The following ITGB5 variants were observed in gnomAD, a reference collection of about 807,000 sequenced individuals.
ITGB5 encodes the protein integrin subunit beta 5.
A neutral mutation model predicts 84.8 loss-of-function variants in ITGB5; 38 were observed. The ratio of observed to expected loss-of-function variants is 0.45; its 90% CI spans 0.35 to 0.59. The LOEUF is 0.59. Among genes scored for constraint, ITGB5 ranks in the 20% least tolerant of loss-of-function variants. The pLI, the probability that ITGB5 is intolerant of heterozygous loss-of-function variation, is 0.01. For missense variants in ITGB5, 905 were observed against 1,034.5 expected, an observed-to-expected ratio of 0.87 and a Z score of 1.72; for synonymous variants, 393 against 414.4, an observed-to-expected ratio of 0.95 and a Z score of 0.63.
chr3:124,836,732 G>A (rs949030664), intron 5 of ITGB5, among the ~76,000 whole-genome samples: 3 of 152,128 alleles, frequency 2.0e-5, no homozygotes, highest in Non-Finnish European at 4.4e-5. Flanking sequence ...CAAGAATCAC[G>A]GCTCCTCTGA....
intron 1 of ITGB5, among the ~76,000 whole-genome samples, chr3:124,892,870 A>C (rs960821657): frequency 6.6e-6 from 1 of 152,180 alleles, no homozygotes; most frequent in Non-Finnish European, 1.5e-5. Flanking sequence ...TTTTAATCCA[A>C]GTCAGAAATA....
At chr3:124,887,951 C>T (rs1397108320), upstream of ITGB5, 1 of 242,640 alleles carries the variant, frequency 4.1e-6, no homozygotes, top group African/African-American at 2.4e-5. Flanking sequence ...CAGCGTCTTG[C>T]TCTCACTCAG....
intron 2 of ITGB5, among the ~76,000 whole-genome samples, chr3:124,865,646 C>G (rs1396031650): frequency 6.6e-6 from 1 of 151,690 alleles, no homozygotes; most frequent in Non-Finnish European, 1.5e-5. Flanking sequence ...GCCACCACAT[C>G]CCACTGATTT....
At chr3:124,816,548 A>G (rs1236407037) in intron 8 of ITGB5, among the ~76,000 whole-genome samples, 3 of 152,214 alleles carry the variant, frequency 2.0e-5, no homozygotes, top group African/African-American at 7.2e-5. Flanking sequence ...TGGCGCCTTG[A>G]GCAGGTGGGT....
At chr3:124,857,536 G>T (rs1047424932) in intron 3 of ITGB5, among the ~76,000 whole-genome samples, 1 of 152,190 alleles carries the variant, frequency 6.6e-6, no homozygotes, top group African/African-American at 2.4e-5. Flanking sequence ...CTTCCCTGGA[G>T]TCTAAATAAA....
chr3:124,888,815 A>G (rs950191078), upstream of ITGB5, among the ~76,000 whole-genome samples: 2 of 152,088 alleles, frequency 1.3e-5, no homozygotes, highest in African/African-American at 4.8e-5. Context: ...CCAGTGGAAA[A>G]CTGTCCTAAC....
At chr3:124,868,894 G>C (rs2065434700) in intron 2 of ITGB5, among the ~76,000 whole-genome samples, 1 of 152,112 alleles carries the variant, frequency 6.6e-6, no homozygotes, top group Non-Finnish European at 1.5e-5. Flanking sequence ...AACTAAGAGA[G>C]AACCAGCAAG....
At chr3:124,821,033 T>C (rs1434552662) in intron 6 of ITGB5, among the ~76,000 whole-genome samples, 2 of 152,302 alleles carry the variant, frequency 1.3e-5, no homozygotes, top group African/African-American at 2.4e-5. Flanking sequence ...CTGTTTCCCC[T>C]GGGCCACCCG....
Position 124,786,237 on chromosome 3 carries a change from C to T in ITGB5, c.1693+10151G>A, listed in dbSNP as rs556035485. Among the ~76,000 whole-genome samples the T allele has an allele frequency of 9.9e-5, 15 of 152,144 alleles. No individual in the cohort carries two copies. The East Asian group carries it at 1.7e-3, about 18-fold the overall frequency. ...AAATGATCTCAATATAGTGAAAAGGCCATTAAAACAGATTCTCAGCTGGGT... is the reference window on the plus strand; with the variant it reads ...AAATGATCTCAATATAGTGAAAAGGTCATTAAAACAGATTCTCAGCTGGGT... On this transcript the variant is annotated intron_variant, in intron 10 of 14. Transcript: ENST00000296181.
chr3:124,883,131 T>C (rs1228679017), intron 1 of ITGB5, among the ~76,000 whole-genome samples: 2 of 152,164 alleles, frequency 1.3e-5, no homozygotes, highest in African/African-American at 4.8e-5. Context: ...CACACTGCCA[T>C]GTGAAAGGGG....
At chr3:124,821,215 G>C (rs2064696384) in intron 6 of ITGB5, 98 bp downstream of exon 6, 2 of 1,331,662 alleles carry the variant, frequency 1.5e-6, no homozygotes, top group East Asian at 5.1e-5. Context: ...TGAATACTGA[G>C]GGCCAGAGGA....
upstream of ITGB5, among the ~76,000 whole-genome samples, chr3:124,892,502 C>A (rs1452776256): frequency 7.3e-6 from 1 of 137,526 alleles, no homozygotes; most frequent in Non-Finnish European, 1.5e-5. Context: ...CCAGCCTGGG[C>A]AACATGGTGA....
rs570469827 is a variant in ITGB5, at chr3:124,764,274, A to C, written c.2304+117T>G. The C allele has an allele frequency of 4.6e-6, 5 of 1,089,930 alleles. No homozygotes were observed. In the African/African-American group the frequency reaches 7.8e-5, roughly 17 times the overall value. The allele number at this position is 1,089,930 out of a possible 1,614,324, so 67.5% of individuals were successfully genotyped here. On this transcript the variant is annotated intron_variant, in intron 14 of 14. Transcript: ENST00000296181. ...ACTGGGCACAGCGTTTCTGGTGTTG[A>C]TTCTTTTGTTTTTAATGCCAAAGAC...
intron 5 of ITGB5, among the ~76,000 whole-genome samples, chr3:124,839,603 A>T (rs2064984918): frequency 6.6e-6 from 1 of 152,202 alleles, no homozygotes; most frequent in Non-Finnish European, 1.5e-5. Context: ...GGGGGATCCT[A>T]TGTCTTCTCT....
intron 9 of ITGB5, among the ~76,000 whole-genome samples, chr3:124,802,250 C>T (rs1416149101): frequency 3.3e-5 from 5 of 152,226 alleles, no homozygotes; most frequent in Admixed American, 3.3e-4. Flanking sequence ...GAGTGGATGT[C>T]AGCACAGTCA....
intron 2 of ITGB5, among the ~76,000 whole-genome samples, chr3:124,867,428 T>G (rs1231404659): frequency 3.3e-5 from 5 of 152,220 alleles, no homozygotes; most frequent in Admixed American, 6.5e-5. Context: ...CTGCAAACCC[T>G]AAGTGCAATC....
Position 124,762,002 on chromosome 3 carries a change from A to AT in ITGB5, c.*1620dup, listed in dbSNP as rs2063704804. 6.6e-6 allele frequency: 1 copy of AT among 152,114 alleles called. No homozygotes were observed. The highest frequency in any genetic ancestry group is 2.1e-4 in the South Asian group (1 of 4,820). 9.4% of individuals were successfully genotyped at this position (152,114 alleles called of 1,614,324 possible). A position where few individuals can be genotyped will look rare whatever the true frequency, so the allele number is the denominator to read the frequency against. ...AATTCAGAAAAGTCTCAACACCACAATTTATCTGTTTAATGTTTTCATTTA... is the reference window on the plus strand; with the variant it reads ...AATTCAGAAAAGTCTCAACACCACAATTTTATCTGTTTAATGTTTTCATTTA... On this transcript the variant is annotated 3_prime_UTR_variant, in exon 15 of 15. Transcript: ENST00000296181.
rs931993773 is a variant in ITGB5, at chr3:124,769,075, G to C, written c.1955C>G (p.Pro652Arg). ...VECLLLHSGK[P>R]DNQTCHSLCR... is the part of the protein sequence containing the mutation. ...TAGGCTGTGGCAGGTCTGGTTGTCA[G>C]GTTTCCCAGAGTGGAGCAGCAGGCA... The change falls in exon 12 of 15, where the codon CCT (proline) becomes CGT (arginine). Residue 652 changes from proline to arginine, a missense_variant. By Grantham distance (103) the Pro-to-Arg change is moderately radical (BLOSUM62 -2). Around this residue, in one of 3 missense-constraint regions of ITGB5, gnomAD observed 116 missense variants for 177.0 expected, o/e 0.66. Transcript: ENST00000296181. 6.2e-7 allele frequency: 1 copy of C among 1,614,068 alleles called. No homozygotes were observed. Among genetic ancestry groups the C allele is most frequent in the Non-Finnish European group, 8.5e-7 (1 of 1,180,024 alleles).
chr3:124,884,923 C>T (rs1934732984), intron 1 of ITGB5, among the ~76,000 whole-genome samples: 2 of 152,034 alleles, frequency 1.3e-5, no homozygotes, highest in Admixed American at 1.3e-4. Context: ...TGAAGATGTA[C>T]GTGAACTCTG....
Sources: gnomAD v4.1 joint callset for allele counts (sites outside exome capture counted in the v4.1 genomes callset) on GRCh38, gnomAD v4.1.1 for gene constraint, gnomAD v4.1.1 regional missense constraint, MANE v1.5 for transcripts, NCBI Gene and HGNC (gene_info 2026-07-23, HGNC 2026-07-21) for gene names.